Variants in XPO1 observed in about 807,000 individuals in gnomAD.
XPO1 encodes exportin-1.
XPO1 carries 5 observed loss-of-function variants against 133.3 expected under a neutral mutation model. The ratio of observed to expected loss-of-function variants is 0.04; its 90% CI spans 0.02 to 0.08. The LOEUF is 0.08. Among genes scored for constraint, XPO1 ranks in the 10% least tolerant of loss-of-function variants. The pLI is 1.00. For synonymous variants in XPO1, 419 were observed against 408.2 expected (o/e 1.03, Z -0.32); for missense variants, 506 against 1,267.5 (o/e 0.40, Z 9.12).
chr2:61,520,989 C>G (rs919806418), intron 4 of XPO1, among the ~76,000 whole-genome samples: 77 of 152,260 alleles, frequency 5.1e-4, no homozygotes, highest in African/African-American at 1.8e-3. Context: ...TATGAAGGAC[C>G]TACTTGGACC....
rs1699257429 is a variant in XPO1 at position 61,533,767 on chromosome 2, T to C, written c.126+5A>G. 1 of 1,580,774 alleles carries C rather than the reference T, an allele frequency of 6.3e-7. No homozygotes were observed. Among genetic ancestry groups the C allele is most frequent in the Admixed American group, 1.9e-5 (1 of 52,828 alleles). Reference sequence around the variant, plus strand: ...ATGTTATAAAGTTTTGGTTGGCTACTTTACCTGGGCTCCTTCTCCATGGTA... The same window carrying C: ...ATGTTATAAAGTTTTGGTTGGCTACCTTACCTGGGCTCCTTCTCCATGGTA... On this transcript the variant is annotated splice_donor_5th_base_variant and intron_variant, in intron 2 of 24. Transcript: ENST00000401558.
At chr2:61,505,548 T>A (rs1697761463) in intron 4 of XPO1, among the ~76,000 whole-genome samples, 1 of 151,926 alleles carries the variant, frequency 6.6e-6, no homozygotes, top group South Asian at 2.1e-4. Flanking sequence ...GATGCCACTA[T>A]GTCTGGCTAC....
At chr2:61,514,186 C>T (rs1193033082) in intron 4 of XPO1, among the ~76,000 whole-genome samples, 1 of 113,774 alleles carries the variant, frequency 8.8e-6, no homozygotes, top group East Asian at 2.5e-4. Context: ...GGCTCCGTCT[C>T]AAAAAAAAAA....
intron 22 of XPO1, 51 bp from the exon 23 acceptor site, chr2:61,482,590 T>A: frequency 3.6e-6 from 5 of 1,407,418 alleles, no homozygotes; most frequent in African/African-American, 1.5e-5. Context: ...TAACTATAGA[T>A]CTTAGCGTTT....
At chr2:61,537,481 C>A (rs918082915) in intron 1 of XPO1, 81 bp downstream of exon 1, 5 of 147,450 alleles carry the variant, frequency 3.4e-5, no homozygotes, top group African/African-American at 1.2e-4. Flanking sequence ...GCCGCCGCCG[C>A]CGCGCCCCAC....
At chr2:61,516,934 A>T (rs1362334521) in intron 4 of XPO1, among the ~76,000 whole-genome samples, 1 of 150,342 alleles carries the variant, frequency 6.7e-6, no homozygotes, top group African/African-American at 2.4e-5. Context: ...TCAGAGTTTC[A>T]CTCTTGTTGC....
In XPO1 at chr2:61,498,930, A is replaced by G. The variant is rs2104495305; in HGVS notation, c.591-17T>C. The G allele has an allele frequency of 6.4e-7, 1 of 1,567,986 alleles. No homozygotes were observed. The highest frequency in any genetic ancestry group is 2.3e-5 in the East Asian group (1 of 44,160). ...TTGCACATGCTAAAAAAAAAAACACACAAAAATATCAGATTTAGAAGACAC... is the reference window on the plus strand; with the variant it reads ...TTGCACATGCTAAAAAAAAAAACACGCAAAAATATCAGATTTAGAAGACAC... On this transcript the variant is annotated splice_polypyrimidine_tract_variant and intron_variant, in intron 7 of 24. Coordinates refer to ENST00000401558, the MANE Select transcript of XPO1 (RefSeq NM_003400.4).
chr2:61,510,406 A>AT (rs1185661426), intron 4 of XPO1, among the ~76,000 whole-genome samples: 2 of 152,234 alleles, frequency 1.3e-5, no homozygotes, highest in African/African-American at 4.8e-5. Context: ...TGAAATATTA[A>AT]TAAGAACAAT....
intron 4 of XPO1, among the ~76,000 whole-genome samples, chr2:61,506,554 G>A (rs1357552163): frequency 7.2e-6 from 1 of 138,462 alleles, no homozygotes; most frequent in African/African-American, 2.7e-5. Context: ...AGCCAAGATC[G>A]TGCCACTGCA....
chr2:61,481,636 G>T (rs1168720363), intron 23 of XPO1, among the ~76,000 whole-genome samples: 1 of 151,436 alleles, frequency 6.6e-6, no homozygotes, highest in Admixed American at 6.6e-5. Flanking sequence ...GTAGAGACAG[G>T]GTTTCTCCAT....
chr2:61,503,809 CACCTGCCTTGGCCTCCCAG>C (rs957533137), intron 4 of XPO1, among the ~76,000 whole-genome samples: 2 of 152,186 alleles, frequency 1.3e-5, no homozygotes, highest in African/African-American at 4.8e-5. Context: ...TCAAGTAATC[CACCTGCCTTGGCCTCCCAG>C]ACTGCTGGGA....
intron 6 of XPO1, 53 bp downstream of exon 6, chr2:61,501,943 G>A: frequency 1.4e-6 from 2 of 1,454,994 alleles, no homozygotes; most frequent in Non-Finnish European, 1.9e-6. Flanking sequence ...CGAACATTTT[G>A]TTCAAATAAT....
intron 1 of XPO1, chr2:61,534,143 C>A (rs1699269568): frequency 3.0e-6 from 1 of 331,534 alleles, no homozygotes; most frequent in Admixed American, 4.9e-5. Context: ...AGTTTATACA[C>A]CAGGAAGACT....
chr2:61,525,942 A>T (rs1038886389), intron 3 of XPO1: 1 of 1,053,296 alleles, frequency 9.5e-7, no homozygotes, highest in Non-Finnish European at 1.1e-6. Context: ...GTTCAAACTT[A>T]AAAAAGGACC....
intron 21 of XPO1, 138 bp downstream of exon 21, chr2:61,483,799 A>G: frequency 1.0e-6 from 1 of 980,066 alleles, no homozygotes; most frequent in Non-Finnish European, 1.5e-6. Context: ...TAAACTGCTT[A>G]TAGGATTTTC....
chr2:61,518,023 G>C (rs955273696), intron 4 of XPO1, among the ~76,000 whole-genome samples: 2 of 152,066 alleles, frequency 1.3e-5, no homozygotes, highest in Admixed American at 6.5e-5. Context: ...CCAGCTACTT[G>C]GGAGACTGAC....
intron 4 of XPO1, among the ~76,000 whole-genome samples, chr2:61,507,366 G>A (rs557725226): frequency 1.3e-5 from 2 of 151,902 alleles, no homozygotes; most frequent in African/African-American, 2.4e-5. Flanking sequence ...TTGAGGAAAC[G>A]AGCTTGAGAC....
At chr2:61,479,057 G>A (rs1696196219) in intron 24 of XPO1, 91 bp from the exon 25 acceptor site, 4 of 1,446,326 alleles carry the variant, frequency 2.8e-6, no homozygotes, top group African/African-American at 1.4e-5. Flanking sequence ...TTTAGAGAAG[G>A]AAGGAATATA....
intron 24 of XPO1, among the ~76,000 whole-genome samples, chr2:61,479,590 A>T (rs563118383): frequency 6.6e-6 from 1 of 152,290 alleles, no homozygotes; most frequent in Admixed American, 6.5e-5. Flanking sequence ...GTATTCACAC[A>T]AATTTTGTTC....
Sources: allele counts gnomAD v4.1 joint callset (sites outside exome capture counted in the v4.1 genomes callset), GRCh38; gene constraint gnomAD v4.1.1; transcripts MANE v1.5; gene names NCBI Gene and HGNC (gene_info 2026-07-23, HGNC 2026-07-21).